CCDC73: variants seen among roughly 807,000 people sequenced by gnomAD.
The protein encoded by CCDC73 is coiled-coil domain-containing protein 73.
A neutral mutation model predicts 116.5 loss-of-function variants in CCDC73; 95 were observed. The ratio of observed to expected loss-of-function variants is 0.82; its 90% CI spans 0.69 to 0.97. The LOEUF is 0.97. Among genes scored for constraint, CCDC73 ranks in the 50% least tolerant of loss-of-function variants. The pLI, the probability that CCDC73 is intolerant of heterozygous loss-of-function variation, is 0.00. For synonymous variants in CCDC73, 398 were observed against 401.3 expected (o/e 0.99, Z 0.10); for missense variants, 1,066 against 1,206.8 (o/e 0.88, Z 1.73).
rs1202426200 is a variant in CCDC73 at position 32,755,059 on chromosome 11, T to C, written c.135+5050A>G. On this transcript the variant is annotated intron_variant, in intron 2 of 17. Transcript: ENST00000335185. ...TCCATCACCATGCCCAGCTAATTTT[T>C]GTATTTTTAGTAGAGACAGGGTTTC... is the stretch of plus-strand genomic sequence containing the variant. Among the ~76,000 whole-genome samples, 3 of 150,448 alleles carry C rather than the reference T, an allele frequency of 2.0e-5. No homozygotes were observed. In the East Asian group the frequency reaches 6.0e-4, roughly 30 times the overall value.
At chr11:32,690,025 C>T (rs975191829) in intron 6 of CCDC73, among the ~76,000 whole-genome samples, 2 of 151,980 alleles carry the variant, frequency 1.3e-5, no homozygotes, top group Non-Finnish European at 1.5e-5. Flanking sequence ...AAGATGCTCA[C>T]AGGCATAAAG....
intron 6 of CCDC73, among the ~76,000 whole-genome samples, chr11:32,696,197 T>C (rs1856309598): frequency 1.3e-5 from 2 of 152,202 alleles, no homozygotes; most frequent in African/African-American, 4.8e-5. Flanking sequence ...ATTTTAAGTC[T>C]TATTTGGTAA....
chr11:32,747,748 C>A (rs571554232), intron 2 of CCDC73, among the ~76,000 whole-genome samples: 2 of 152,336 alleles, frequency 1.3e-5, no homozygotes, highest in African/African-American at 4.8e-5. Flanking sequence ...GGCGTTGGAC[C>A]TGCCGAGACA....
chr11:32,627,807 C>T (rs1224540881), intron 14 of CCDC73, among the ~76,000 whole-genome samples: 1 of 152,092 alleles, frequency 6.6e-6, no homozygotes, highest in Non-Finnish European at 1.5e-5. Context: ...TCATCACACA[C>T]CGGGGCCTGT....
At chr11:32,818,825 G>T in the CCDC73 span, among the ~76,000 whole-genome samples, 4 of 152,198 alleles carry the variant, frequency 2.6e-5, no homozygotes, top group Non-Finnish European at 4.4e-5. Flanking sequence ...ACTACGTATT[G>T]TATGATTCCA....
chr11:32,737,047 T>C (rs1026888679), intron 2 of CCDC73, among the ~76,000 whole-genome samples: 3 of 151,496 alleles, frequency 2.0e-5, no homozygotes, highest in Middle Eastern at 6.9e-3. Flanking sequence ...TCAGCCTCCC[T>C]AGTAGCTGCA....
At chr11:32,823,726 T>C in the CCDC73 span, among the ~76,000 whole-genome samples, 1 of 151,386 alleles carries the variant, frequency 6.6e-6, no homozygotes, top group East Asian at 1.9e-4. Flanking sequence ...CAGAGGCCAA[T>C]GAAGATAAGT....
intron 3 of CCDC73, among the ~76,000 whole-genome samples, chr11:32,712,885 G>A (rs1849914607): frequency 6.6e-6 from 1 of 151,962 alleles, no homozygotes; most frequent in African/African-American, 2.4e-5. Context: ...GTAAAGAGAT[G>A]GGGATTGAAC....
intron 6 of CCDC73, among the ~76,000 whole-genome samples, chr11:32,689,414 A>C (rs1385220678): frequency 6.6e-6 from 1 of 152,174 alleles, no homozygotes; most frequent in East Asian, 1.9e-4. Flanking sequence ...CACATTAAAA[A>C]GGAAGATTTA....
At chr11:32,719,748 A>G (rs1849974699) in intron 2 of CCDC73, among the ~76,000 whole-genome samples, 1 of 152,212 alleles carries the variant, frequency 6.6e-6, no homozygotes, top group South Asian at 2.1e-4. Flanking sequence ...TAACTATTAA[A>G]AAGATAATAA....
chr11:32,715,842 T>C (rs1483690985), intron 3 of CCDC73, among the ~76,000 whole-genome samples: 1 of 152,202 alleles, frequency 6.6e-6, no homozygotes, highest in Non-Finnish European at 1.5e-5. Context: ...CAATAGTTTA[T>C]TTGGGTAAAC....
chr11:32,785,943 A>G (rs906495616), intron 1 of CCDC73, among the ~76,000 whole-genome samples: 1 of 152,204 alleles, frequency 6.6e-6, no homozygotes, highest in Non-Finnish European at 1.5e-5. Flanking sequence ...TTAAGGTAAC[A>G]TATGTAAAGA....
chr11:32,695,231 T>C (rs1160581760), intron 6 of CCDC73, among the ~76,000 whole-genome samples: 2 of 152,068 alleles, frequency 1.3e-5, no homozygotes, highest in African/African-American at 4.8e-5. Flanking sequence ...TAGCTTGGCA[T>C]GGTGGCATGC....
intron 12 of CCDC73, among the ~76,000 whole-genome samples, chr11:32,651,686 T>A (rs1011166400): frequency 6.6e-6 from 1 of 152,184 alleles, no homozygotes; most frequent in Non-Finnish European, 1.5e-5. Context: ...ACAGTGACCA[T>A]GAAACATTAA....
intron 1 of CCDC73, among the ~76,000 whole-genome samples, chr11:32,774,971 T>C (rs931581367): frequency 1.3e-5 from 2 of 152,158 alleles, no homozygotes; most frequent in African/African-American, 2.4e-5. Context: ...AAGGTGAGTG[T>C]TTTGGAAAAA....
At chr11:32,727,362 T>G (rs1347337703) in intron 2 of CCDC73, among the ~76,000 whole-genome samples, 1 of 152,196 alleles carries the variant, frequency 6.6e-6, no homozygotes, top group African/African-American at 2.4e-5. Flanking sequence ...AAGTCACTTA[T>G]TCCACAATAG....
intron 1 of CCDC73, among the ~76,000 whole-genome samples, chr11:32,779,466 A>C (rs1850563695): frequency 6.6e-6 from 1 of 152,222 alleles, no homozygotes; most frequent in Admixed American, 6.5e-5. Flanking sequence ...CTGGATTGTT[A>C]TCTTTTAATG....
chr11:32,756,699 A>G (rs930326202), intron 2 of CCDC73, among the ~76,000 whole-genome samples: 2 of 151,970 alleles, frequency 1.3e-5, no homozygotes, highest in Non-Finnish European at 2.9e-5. Context: ...CCTAAGAATC[A>G]GTCCCATCCA....
intron 14 of CCDC73, among the ~76,000 whole-genome samples, chr11:32,616,440 A>G (rs1855475401): frequency 6.6e-6 from 1 of 152,210 alleles, no homozygotes; most frequent in Admixed American, 6.5e-5. Context: ...TAAAAACAAG[A>G]TAGACATGGC....
Sources: allele counts gnomAD v4.1 joint callset (sites outside exome capture counted in the v4.1 genomes callset), GRCh38; gene constraint gnomAD v4.1.1; transcripts MANE v1.5; gene names NCBI Gene and HGNC (gene_info 2026-07-23, HGNC 2026-07-21).